Variants in CAPZB observed in about 807,000 individuals in gnomAD.
CAPZB encodes the protein F-actin-capping protein subunit beta.
Under a neutral mutation model 38.1 loss-of-function variants are expected in CAPZB, and 2 were observed. The ratio of observed to expected loss-of-function variants is 0.05; its 90% CI spans 0.02 to 0.17. The LOEUF is 0.17. Among genes scored for constraint, CAPZB ranks in the 10% least tolerant of loss-of-function variants. The probability of loss-of-function intolerance (pLI) is 1.00; values close to 1 mark genes in which losing one functional copy is unlikely to be tolerated. For missense variants in CAPZB, 161 were observed against 334.2 expected, an observed-to-expected ratio of 0.48 and a Z score of 4.04; for synonymous variants, 107 against 127.4, an observed-to-expected ratio of 0.84 and a Z score of 1.08.
intron 8 of CAPZB, among the ~76,000 whole-genome samples, chr1:19,340,666 TACA>T (rs71715533): frequency 0.019 from 2,919 of 152,160 alleles, 100 homozygotes; most frequent in African/African-American, 0.067. Context: ...ACCCCATCTC[TACA>T]ACGACAACAA....
chr1:19,346,729 T>G (rs2093963007), intron 6 of CAPZB, among the ~76,000 whole-genome samples: 1 of 151,662 alleles, frequency 6.6e-6, no homozygotes, highest in South Asian at 2.1e-4. Context: ...CAAGCCACTT[T>G]AAACGACCAG....
intron 1 of CAPZB, among the ~76,000 whole-genome samples, chr1:19,472,148 C>T (rs909664477): frequency 2.0e-5 from 3 of 152,162 alleles, no homozygotes; most frequent in Admixed American, 6.5e-5. Flanking sequence ...AGAGGAAGGA[C>T]AGATGAAATC....
At chr1:19,343,117 C>T (rs1425315547) in intron 8 of CAPZB, among the ~76,000 whole-genome samples, 4 of 152,174 alleles carry the variant, frequency 2.6e-5, no homozygotes, top group Non-Finnish European at 5.9e-5. Flanking sequence ...CCAGCCACTG[C>T]CTGGGGACTG....
rs553158195 is a variant in CAPZB, at chr1:19,482,472, G to A, written c.3+2964C>T. Among the ~76,000 whole-genome samples the A allele has an allele frequency of 9.2e-5, 14 of 152,304 alleles. No homozygotes were observed. The South Asian group carries it at 1.7e-3, about 18-fold the overall frequency. On this transcript the variant is annotated intron_variant, in intron 1 of 8. Coordinates refer to ENST00000264202, the MANE Select transcript of CAPZB (RefSeq NM_004930.5). ...TCCTGAGGGGGCCTCCCTAGTCCCC[G>A]TTCCTGCTAAAGCCTCACCATCATC...
chr1:19,391,071 CT>C (rs11388908), intron 2 of CAPZB, among the ~76,000 whole-genome samples: 173 of 150,030 alleles, frequency 1.2e-3, no homozygotes, highest in African/African-American at 4.0e-3. Context: ...AAACTGAACA[CT>C]TTTTTTTTTT....
chr1:19,422,902 A>G (rs879305474), intron 1 of CAPZB, among the ~76,000 whole-genome samples: 4 of 152,232 alleles, frequency 2.6e-5, no homozygotes, highest in African/African-American at 4.8e-5. Context: ...CAGAACACAG[A>G]AGGGATTAAC....
intron 6 of CAPZB, among the ~76,000 whole-genome samples, chr1:19,347,526 G>A (rs983783104): frequency 2.0e-5 from 3 of 152,136 alleles, no homozygotes; most frequent in South Asian, 2.1e-4. Context: ...GGGTCAGCTC[G>A]CTGGCAACAC....
intron 3 of CAPZB, among the ~76,000 whole-genome samples, chr1:19,383,953 A>G (rs1482212859): frequency 6.6e-6 from 1 of 151,922 alleles, no homozygotes; most frequent in Non-Finnish European, 1.5e-5. Flanking sequence ...ACCACTTCTC[A>G]CCATTTCAAC....
chr1:19,360,815 C>T (rs1164405127), intron 4 of CAPZB, among the ~76,000 whole-genome samples: 2 of 152,176 alleles, frequency 1.3e-5, no homozygotes, highest in African/African-American at 4.8e-5. Context: ...GTTTCAAATG[C>T]TGGAGCCAGG....
Position 19,481,179 on chromosome 1 carries a change from T to C in CAPZB, c.3+4257A>G, listed in dbSNP as rs371048199. Reference sequence around the variant, plus strand: ...GTGAGGACCGTTCTAACAGAGTGCATAGCATGTGGCTGGTGCTCCATAACC... The same window carrying C: ...GTGAGGACCGTTCTAACAGAGTGCACAGCATGTGGCTGGTGCTCCATAACC... On this transcript the variant is annotated intron_variant, in intron 1 of 8. Transcript: ENST00000264202. 6.0e-4 allele frequency among the ~76,000 whole-genome samples: 91 copies of C among 152,300 alleles called. 1 individual carries two copies. In the South Asian group the frequency reaches 0.018, roughly 30 times the overall value.
chr1:19,452,345 T>C (rs1399282554), intron 1 of CAPZB, among the ~76,000 whole-genome samples: 4 of 152,316 alleles, frequency 2.6e-5, no homozygotes, highest in Admixed American at 1.3e-4. Context: ...CACTGGGACA[T>C]AGGCTCCAGG....
At chr1:19,432,882 A>G (rs1237167387) in intron 1 of CAPZB, among the ~76,000 whole-genome samples, 2 of 152,248 alleles carry the variant, frequency 1.3e-5, no homozygotes, top group Admixed American at 6.5e-5. Flanking sequence ...AGGGGCAATG[A>G]GTCTCTTCTC....
At chr1:19,430,652 A>G (rs1570246902) in intron 1 of CAPZB, among the ~76,000 whole-genome samples, 1 of 151,402 alleles carries the variant, frequency 6.6e-6, no homozygotes, top group Admixed American at 6.6e-5. Context: ...TAAGGCATAT[A>G]TCTCTTACCC....
chr1:19,409,106 A>C (rs2094346223), intron 2 of CAPZB, among the ~76,000 whole-genome samples: 1 of 152,278 alleles, frequency 6.6e-6, no homozygotes, highest in Admixed American at 6.5e-5. Context: ...CCCAAAGCAC[A>C]TTCCTTGAAC....
intron 4 of CAPZB, among the ~76,000 whole-genome samples, chr1:19,366,283 A>AATATATATATATATATATATATATAT (rs201882034): frequency 7.1e-4 from 43 of 60,452 alleles, no homozygotes; most frequent in African/African-American, 1.9e-3. Flanking sequence ...CGTGTCTTAA[A>AATATATATATATATATATATATATAT]ATATATATAT....
intron 1 of CAPZB, among the ~76,000 whole-genome samples, chr1:19,452,223 T>C (rs930204225): frequency 1.3e-5 from 2 of 151,972 alleles, no homozygotes; most frequent in African/African-American, 4.8e-5. Context: ...GCATGTACTA[T>C]TCCTTCTGCC....
chr1:19,397,847 G>A (rs974710927), intron 2 of CAPZB, among the ~76,000 whole-genome samples: 8 of 152,120 alleles, frequency 5.3e-5, no homozygotes, highest in African/African-American at 1.4e-4. Flanking sequence ...GCCTGAGGGC[G>A]CGCGCCACCC....
At chr1:19,400,693 T>C (rs1441669220) in intron 2 of CAPZB, among the ~76,000 whole-genome samples, 3 of 152,124 alleles carry the variant, frequency 2.0e-5, no homozygotes, top group Non-Finnish European at 2.9e-5. Flanking sequence ...CTCCAAACAC[T>C]GTTCTCCGGC....
intron 6 of CAPZB, among the ~76,000 whole-genome samples, chr1:19,351,113 G>A (rs1267465537): frequency 1.3e-5 from 2 of 151,776 alleles, no homozygotes; most frequent in African/African-American, 4.8e-5. Context: ...CTCCTGAGTA[G>A]CTGAGATTAC....
Sources: allele counts gnomAD v4.1 joint callset (sites outside exome capture counted in the v4.1 genomes callset), GRCh38; gene constraint gnomAD v4.1.1; transcripts MANE v1.5; gene names NCBI Gene and HGNC (gene_info 2026-07-23, HGNC 2026-07-21).